GARS1: variants seen among roughly 807,000 people sequenced by gnomAD.
The protein encoded by GARS1 is glycyl-tRNA synthetase 1.
A neutral mutation model predicts 86.4 loss-of-function variants in GARS1; 46 were observed. That is an observed-to-expected ratio of 0.53 (90% CI 0.42 to 0.68). The LOEUF (loss-of-function observed/expected upper bound fraction) is 0.68. Ranked by LOEUF, GARS1 falls within the 30% of genes least tolerant of loss-of-function variation. The pLI is 0.00. For synonymous variants in GARS1, 342 were observed against 329.8 expected, an observed-to-expected ratio of 1.04 and a Z score of -0.40; for missense variants, 797 against 915.6, an observed-to-expected ratio of 0.87 and a Z score of 1.67.
intron 7 of GARS1, among the ~76,000 whole-genome samples, chr7:30,610,090 A>G (rs532670957): frequency 1.3e-5 from 2 of 152,232 alleles, no homozygotes; most frequent in South Asian, 2.1e-4. Flanking sequence ...CTACTGTCCA[A>G]CGGAACTTTC....
intron 7 of GARS1, among the ~76,000 whole-genome samples, chr7:30,610,555 T>A (rs572030169): frequency 6.6e-6 from 1 of 152,316 alleles, no homozygotes; most frequent in South Asian, 2.1e-4. Context: ...TGCAGTTAAT[T>A]ATTCTAATGA....
intron 1 of GARS1, among the ~76,000 whole-genome samples, chr7:30,597,260 C>T (rs998349188): frequency 6.6e-6 from 1 of 152,032 alleles, no homozygotes; most frequent in East Asian, 1.9e-4. Context: ...GTTATGAAAT[C>T]AGGTATTGGT....
Position 30,633,927 on chromosome 7 carries a change from C to G in GARS1, c.*67C>G, listed in dbSNP as rs142498676. ...AAAAAAAAAACTACTCTTATGTCCA[C>G]TTTACAAAAGAAAACAGCATTGTGA... is the stretch of plus-strand genomic sequence containing the variant. On this transcript the variant is annotated 3_prime_UTR_variant, in exon 17 of 17. Coordinates refer to ENST00000389266, the MANE Select transcript of GARS1 (RefSeq NM_002047.4). 1,341 of 1,563,174 alleles carry G rather than the reference C, an allele frequency of 8.6e-4. 10 individuals carry two copies. In the African/African-American group the frequency reaches 0.016, roughly 19 times the overall value.
chr7:30,598,622 C>CA (rs1791309518), intron 1 of GARS1, among the ~76,000 whole-genome samples, 174 bp from the exon 2 acceptor site: 1 of 152,072 alleles, frequency 6.6e-6, no homozygotes. Flanking sequence ...CTCCTGATCT[C>CA]AGATGGTGAG....
intron 11 of GARS1, chr7:30,622,026 T>TA: frequency 2.3e-6 from 1 of 433,292 alleles, no homozygotes; most frequent in South Asian, 2.2e-5. Flanking sequence ...ATTTTAGAAA[T>TA]ACTTATCAGA....
chr7:30,617,385 GAA>G, intron 10 of GARS1, 107 bp downstream of exon 10: 3 of 1,324,168 alleles, frequency 2.3e-6, no homozygotes, highest in Middle Eastern at 3.7e-4. Flanking sequence ...AAAGGGAAAA[GAA>G]AAGAGATCTT....
At chr7:30,617,595 C>T (rs1350629857) in intron 10 of GARS1, among the ~76,000 whole-genome samples, 2 of 152,128 alleles carry the variant, frequency 1.3e-5, no homozygotes, top group Non-Finnish European at 2.9e-5. Flanking sequence ...GCCTCTCCTT[C>T]CTGGCAAGAG....
chr7:30,630,517 CTTT>C (rs758530758), intron 14 of GARS1, among the ~76,000 whole-genome samples: 11 of 130,968 alleles, frequency 8.4e-5, no homozygotes, highest in Admixed American at 1.5e-4. Context: ...TTATTTTCGC[CTTT>C]TTTTTTTTTT....
chr7:30,625,131 A>G (rs1047563293), intron 12 of GARS1, among the ~76,000 whole-genome samples: 1 of 152,142 alleles, frequency 6.6e-6, no homozygotes, highest in Non-Finnish European at 1.5e-5. Flanking sequence ...TTTAGTAGAG[A>G]CGGGGTTTCA....
At chr7:30,628,311 A>T (rs1022192157) in intron 13 of GARS1, among the ~76,000 whole-genome samples, 3 of 151,734 alleles carry the variant, frequency 2.0e-5, no homozygotes, top group Non-Finnish European at 4.4e-5. Flanking sequence ...CAGCCTCCGG[A>T]GTAGCTGGGA....
rs775469329 is a variant in GARS1 at position 30,617,174 on chromosome 7, A to G, written c.1255A>G (p.Lys419Glu). The stretch of plus-strand genomic sequence containing the variant: ...TGGCCGCATCTACCTCTACCTCACG[A>G]AGGTTGGAATATCTCCAGATAAACT... Reference protein sequence around the residue: ...FIGRIYLYLTKVGISPDKLRF... With the variant: ...FIGRIYLYLTEVGISPDKLRF... The change falls in exon 10 of 17, where the codon AAG becomes GAG. Residue 419 changes from lysine to glutamate, a missense_variant. This residue lies in a region of GARS1 where 598 missense variants were observed against 738.7 expected (regional missense o/e 0.81). Coordinates refer to ENST00000389266, the MANE Select transcript of GARS1 (RefSeq NM_002047.4). 4 of 1,614,056 alleles carry G rather than the reference A, an allele frequency of 2.5e-6. No individual in the cohort carries two copies. The South Asian group carries it at 3.3e-5, about 13-fold the overall frequency.
chr7:30,633,610 C>A, intron 16 of GARS1, 125 bp from the exon 17 acceptor site: 1 of 1,159,842 alleles, frequency 8.6e-7, no homozygotes, highest in Non-Finnish European at 1.3e-6. Context: ...GCTAGAAGAG[C>A]ATGAACCCAT....
At position 30,616,036 on chromosome 7, in the gene GARS1, G is replaced by T. The variant is rs199832199; in HGVS notation, c.1172G>T (p.Arg391Leu). 19 of 1,614,024 alleles carry T rather than the reference G, an allele frequency of 1.2e-5. No individual in the cohort carries two copies. Among genetic ancestry groups the T allele is most frequent in the Admixed American group, 3.3e-5 (2 of 60,004 alleles). Reference protein sequence around the residue: ...QVSGQSARKMRLGDAVEQGVI... With the variant: ...QVSGQSARKMLLGDAVEQGVI... ...AGCGGACAGTCCGCTCGGAAAATGC[G>T]CCTGGGAGATGCTGTTGAACAGGTA... Residue 391 changes from arginine (R) to leucine (L), a missense_variant, in exon 9 of 17, where the codon CGC becomes CTC. Physicochemically the swap from Arg to Leu is moderately radical, Grantham distance 102. This residue lies in a region of GARS1 where 598 missense variants were observed against 738.7 expected (regional missense o/e 0.81). Coordinates refer to ENST00000389266, the MANE Select transcript of GARS1 (RefSeq NM_002047.4).
rs2128134466 is a variant in GARS1, at chr7:30,615,945, G to C, written c.1081G>C (p.Asp361His). The change falls in exon 9 of 17, where the codon GAC (aspartate) becomes CAC (histidine). Residue 361 changes from aspartate (D) to histidine (H), a missense_variant. Physicochemically the swap from Asp to His is moderately conservative, Grantham distance 81 (BLOSUM62 -1). Coordinates refer to ENST00000389266, the MANE Select transcript of GARS1 (RefSeq NM_002047.4). Reference protein sequence around the residue: ...IEHFVDPSEKDHPKFQNVADL... With the variant: ...IEHFVDPSEKHHPKFQNVADL... ...GCACTTTGTAGATCCCAGTGAGAAA[G>C]ACCACCCCAAGTTCCAGAATGTGGC... 1 of 1,614,188 alleles carries C rather than the reference G, an allele frequency of 6.2e-7. No homozygotes were observed. The highest frequency in any genetic ancestry group is 1.7e-5 in the Admixed American group (1 of 60,024).
chr7:30,624,103 T>C (rs1165699574), intron 12 of GARS1, among the ~76,000 whole-genome samples: 1 of 151,954 alleles, frequency 6.6e-6, no homozygotes, highest in Non-Finnish European at 1.5e-5. Flanking sequence ...TATGAGGTTT[T>C]TTTGCATTTT....
chr7:30,621,237 T>C (rs1347900129), intron 10 of GARS1, among the ~76,000 whole-genome samples, 156 bp from the exon 11 acceptor site: 1 of 152,160 alleles, frequency 6.6e-6, no homozygotes, highest in Non-Finnish European at 1.5e-5. Flanking sequence ...TATATGAGGC[T>C]ATTCCCATTT....
chr7:30,623,897 G>A (rs750657584), intron 12 of GARS1, among the ~76,000 whole-genome samples: 2 of 152,082 alleles, frequency 1.3e-5, no homozygotes, highest in African/African-American at 2.4e-5. Flanking sequence ...AAAACTGCGC[G>A]GATCACAATA....
rs1403668479 is a variant in GARS1 at position 30,595,087 on chromosome 7, G to A, written c.166G>A (p.Asp56Asn). 3 of 1,545,316 alleles carry A rather than the reference G, an allele frequency of 1.9e-6. No homozygotes were observed. The South Asian group carries it at 3.5e-5, about 18-fold the overall frequency. Reference protein sequence around the residue: ...LPAAASRSSMDGAGAEEVLAP... With the variant: ...LPAAASRSSMNGAGAEEVLAP... ...CGCCGCCGCCTCCCGGAGCAGCATG[G>A]ACGGCGCGGGGGCTGAGGAGGTGCT... Residue 56 changes from aspartate to asparagine, a missense_variant, in exon 1 of 17, where the codon GAC (aspartate) becomes AAC (asparagine). Physicochemically the swap from Asp to Asn is conservative, Grantham distance 23. Coordinates refer to ENST00000389266, the MANE Select transcript of GARS1 (RefSeq NM_002047.4).
At chr7:30,628,294 C>T (rs891790423) in intron 13 of GARS1, among the ~76,000 whole-genome samples, 2 of 151,894 alleles carry the variant, frequency 1.3e-5, no homozygotes, top group Non-Finnish European at 2.9e-5. Flanking sequence ...AAGCAATTCT[C>T]CTGCCTCAGC....
Sources: allele counts gnomAD v4.1 joint callset (sites outside exome capture counted in the v4.1 genomes callset), GRCh38; gene constraint gnomAD v4.1.1; regional missense constraint gnomAD v4.1.1; transcripts MANE v1.5; gene names NCBI Gene and HGNC (gene_info 2026-07-23, HGNC 2026-07-21).